FHOD3: variants seen among roughly 807,000 people sequenced by gnomAD.
FHOD3 encodes the protein formin homology 2 domain containing 3.
FHOD3 carries 90 observed loss-of-function variants against 173.0 expected under a neutral mutation model. The observed-to-expected ratio is 0.52, with a 90% CI of 0.44 to 0.62. The LOEUF (loss-of-function observed/expected upper bound fraction) is 0.62, where lower values mean the gene tolerates loss of function less well. Ranked by LOEUF, FHOD3 falls within the 20% of genes least tolerant of loss-of-function variation. The probability of loss-of-function intolerance (pLI) is 0.00; values close to 1 mark genes in which losing one functional copy is unlikely to be tolerated. For synonymous variants in FHOD3, 828 were observed against 823.0 expected (o/e 1.01, Z -0.10); for missense variants, 1,945 against 2,034.7 (o/e 0.96, Z 0.85).
intron 2 of FHOD3, among the ~76,000 whole-genome samples, chr18:36,364,714 C>A (rs927809180): frequency 1.3e-5 from 2 of 152,136 alleles, no homozygotes; most frequent in Admixed American, 6.5e-5. Flanking sequence ...CAATTGGATT[C>A]CCATTATAAG....
chr18:36,323,498 C>T (rs997463212), intron 1 of FHOD3, among the ~76,000 whole-genome samples: 2 of 152,186 alleles, frequency 1.3e-5, no homozygotes, highest in African/African-American at 4.8e-5. Context: ...CACCCCTTCC[C>T]ATATTCCCAG....
At chr18:36,672,771 A>C (rs937875371) in intron 14 of FHOD3, among the ~76,000 whole-genome samples, 13 of 152,378 alleles carry the variant, frequency 8.5e-5, no homozygotes, top group African/African-American at 3.1e-4. Context: ...TGCAATAAAC[A>C]AATAGAAGAG....
chr18:36,649,369 A>C lies in FHOD3; in HGVS notation c.1250A>C (p.Glu417Ala). The C allele has an allele frequency of 2.0e-6, 3 of 1,535,802 alleles. No homozygotes were observed. Among genetic ancestry groups the C allele is most frequent in the Non-Finnish European group, 1.7e-6 (2 of 1,146,710 alleles). Reference protein sequence around the residue: ...QPITEPSSEEEREDDASCQGK... With the variant: ...QPITEPSSEEAREDDASCQGK... ...ATCACGGAGCCCAGTTCCGAAGAAG[A>C]GAGAGAGGATGATGCTTCCTGTCAG... The change falls in exon 11 of 29, where the codon GAG becomes GCG. Residue 417 changes from glutamate to alanine, a missense_variant. Transcript: ENST00000590592.
chr18:36,604,099 C>T (rs888279539), intron 8 of FHOD3, among the ~76,000 whole-genome samples: 2 of 152,116 alleles, frequency 1.3e-5, no homozygotes, highest in South Asian at 2.1e-4. Context: ...AACAAGGGGG[C>T]CCATGCTGAC....
At chr18:36,343,598 TAAAAA>T in intron 1 of FHOD3, among the ~76,000 whole-genome samples, 1 of 151,600 alleles carries the variant, frequency 6.6e-6, no homozygotes, top group East Asian at 2.0e-4. Flanking sequence ...AGCTGGCTGT[TAAAAA>T]AAAGCCTGGT....
Position 36,533,060 on chromosome 18 carries a change from A to G in FHOD3, c.511+20517A>G, listed in dbSNP as rs554604059. On this transcript the variant is annotated intron_variant, in intron 5 of 28. Coordinates refer to ENST00000590592, the MANE Select transcript of FHOD3 (RefSeq NM_001281740.3). ...TGAGCCACTTGGCCCTCTGCACAAT[A>G]TTATGCTTCCTCGAGGCCACAGACA... Among the ~76,000 whole-genome samples, 7 of 152,258 alleles carry G rather than the reference A, an allele frequency of 4.6e-5. No individual in the cohort carries two copies. The East Asian group carries it at 1.4e-3, about 30-fold the overall frequency.
chr18:36,550,199 A>G (rs2147312129), intron 5 of FHOD3, among the ~76,000 whole-genome samples: 1 of 146,000 alleles, frequency 6.8e-6, no homozygotes, highest in African/African-American at 2.5e-5. Context: ...ATATATATGT[A>G]TATATCACTT....
At chr18:36,517,998 T>C (rs1013314385) in intron 5 of FHOD3, among the ~76,000 whole-genome samples, 2 of 152,148 alleles carry the variant, frequency 1.3e-5, no homozygotes, top group African/African-American at 2.4e-5. Flanking sequence ...ATAGATATCA[T>C]GGAAAGAGAT....
chr18:36,675,994 C>A (rs16968156), intron 14 of FHOD3, among the ~76,000 whole-genome samples: 3,706 of 152,202 alleles, frequency 0.024, 160 homozygotes, highest in African/African-American at 0.085. Flanking sequence ...TAATTATCCA[C>A]CTAAGAAGGA....
chr18:36,744,019 G>A lies in FHOD3; in HGVS notation c.3880-13G>A. ...TGCTTGAAACATGTCTTTTATTGAT[G>A]TTTGCAAAACAGGCCAAAGCGTTTG... On this transcript the variant is annotated splice_polypyrimidine_tract_variant and intron_variant, in intron 22 of 28. Coordinates refer to ENST00000590592, the MANE Select transcript of FHOD3 (RefSeq NM_001281740.3). 2 of 1,613,990 alleles carry A rather than the reference G, an allele frequency of 1.2e-6. No homozygotes were observed. Among genetic ancestry groups the A allele is most frequent in the Non-Finnish European group, 1.7e-6 (2 of 1,179,998 alleles).
chr18:36,561,611 A>G (rs189492804), intron 5 of FHOD3, among the ~76,000 whole-genome samples: 9 of 152,344 alleles, frequency 5.9e-5, no homozygotes, highest in Admixed American at 1.3e-4. Context: ...ATTCAATGAC[A>G]TTAAATATCT....
intron 5 of FHOD3, among the ~76,000 whole-genome samples, chr18:36,530,931 G>A (rs1486040189): frequency 6.6e-6 from 1 of 152,176 alleles, no homozygotes; most frequent in Admixed American, 6.5e-5. Context: ...GAGATGACTG[G>A]AGACTTTGGG....
At chr18:36,626,753 G>A (rs1249139803) in intron 10 of FHOD3, among the ~76,000 whole-genome samples, 1 of 152,206 alleles carries the variant, frequency 6.6e-6, no homozygotes, top group African/African-American at 2.4e-5. Flanking sequence ...TTATGAGGAA[G>A]AAAATCACTC....
At chr18:36,677,758 C>T (rs914349108) in intron 14 of FHOD3, among the ~76,000 whole-genome samples, 1 of 152,078 alleles carries the variant, frequency 6.6e-6, no homozygotes, top group African/African-American at 2.4e-5. Context: ...AAATTTTGGA[C>T]TCAGCTCATA....
At chr18:36,372,606 C>A in intron 2 of FHOD3, 74 bp from the exon 3 acceptor site, 2 of 1,288,522 alleles carry the variant, frequency 1.6e-6, no homozygotes, top group Non-Finnish European at 2.2e-6. Context: ...TCAGAACCTT[C>A]ACGTGGATTG....
chr18:36,587,518 G>A (rs533448998), intron 6 of FHOD3, among the ~76,000 whole-genome samples: 167 of 152,302 alleles, frequency 1.1e-3, no homozygotes, highest in African/African-American at 3.4e-3. Flanking sequence ...CCAGCCAGGC[G>A]CGGTGGCTCA....
chr18:36,655,048 TC>T (rs2036317859), intron 13 of FHOD3, among the ~76,000 whole-genome samples: 1 of 137,292 alleles, frequency 7.3e-6, no homozygotes, highest in South Asian at 2.4e-4. Context: ...TCTTTTTTTT[TC>T]CTTCTTTTTT....
chr18:36,563,222 A>G (rs1464904901), intron 5 of FHOD3, among the ~76,000 whole-genome samples: 1 of 152,252 alleles, frequency 6.6e-6, no homozygotes, highest in Non-Finnish European at 1.5e-5. Context: ...ATAACATCCA[A>G]AAACCTATTT....
intron 5 of FHOD3, among the ~76,000 whole-genome samples, chr18:36,533,400 C>A (rs887581227): frequency 6.6e-6 from 1 of 152,186 alleles, no homozygotes; most frequent in Non-Finnish European, 1.5e-5. Context: ...GTCCTAGAGG[C>A]CTTCCTCTGC....
Sources: gnomAD v4.1 joint callset for allele counts (sites outside exome capture counted in the v4.1 genomes callset) on GRCh38, gnomAD v4.1.1 for gene constraint, MANE v1.5 for transcripts, NCBI Gene and HGNC (gene_info 2026-07-23, HGNC 2026-07-21) for gene names.